The following CPEB1 variants were observed in gnomAD, a reference collection of about 807,000 sequenced individuals.
CPEB1 encodes cytoplasmic polyadenylation element binding protein 1.
A neutral mutation model predicts 65.8 loss-of-function variants in CPEB1; 7 were observed. That is an observed-to-expected ratio of 0.11 (90% CI 0.06 to 0.20). The LOEUF is 0.20. Among genes scored for constraint, CPEB1 ranks in the 10% least tolerant of loss-of-function variants. The probability of loss-of-function intolerance (pLI) is 1.00; values close to 1 mark genes in which losing one functional copy is unlikely to be tolerated. For synonymous variants in CPEB1, 262 were observed against 260.0 expected, an observed-to-expected ratio of 1.01 and a Z score of -0.08; for missense variants, 551 against 712.2, an observed-to-expected ratio of 0.77 and a Z score of 2.58.
intron 3 of CPEB1, among the ~76,000 whole-genome samples, chr15:82,572,550 C>A (rs1433002043): frequency 1.3e-5 from 2 of 152,110 alleles, no homozygotes; most frequent in Non-Finnish European, 2.9e-5. Context: ...ACAGATACAG[C>A]GGCTCAGCTC....
At chr15:82,576,700 T>C (rs2040686986) in intron 3 of CPEB1, among the ~76,000 whole-genome samples, 1 of 152,144 alleles carries the variant, frequency 6.6e-6, no homozygotes, top group Non-Finnish European at 1.5e-5. Flanking sequence ...AAAATGAAAG[T>C]CTGACTGAAC....
intron 3 of CPEB1, among the ~76,000 whole-genome samples, chr15:82,617,448 G>C (rs193199259): frequency 1.3e-5 from 2 of 152,230 alleles, no homozygotes; most frequent in East Asian, 3.9e-4. Context: ...GAAAATAAGG[G>C]AAGTCTGAGA....
chr15:82,613,350 T>C (rs981987707), intron 3 of CPEB1, among the ~76,000 whole-genome samples: 1 of 152,176 alleles, frequency 6.6e-6, no homozygotes. Flanking sequence ...TTTAATAACA[T>C]TCATGATTTT....
intron 1 of CPEB1, among the ~76,000 whole-genome samples, chr15:82,646,293 G>A (rs887645710): frequency 2.0e-5 from 3 of 152,182 alleles, no homozygotes; most frequent in African/African-American, 7.2e-5. Context: ...TTCCAGAATA[G>A]GAACCCCACC....
intron 2 of CPEB1, among the ~76,000 whole-genome samples, chr15:82,627,704 G>A (rs980466622): frequency 8.5e-5 from 13 of 152,138 alleles, no homozygotes; most frequent in African/African-American, 3.1e-4. Flanking sequence ...CTATAAAGCT[G>A]CTAACCTCTG....
intron 3 of CPEB1, among the ~76,000 whole-genome samples, chr15:82,576,867 A>G (rs2040704634): frequency 6.6e-6 from 1 of 152,152 alleles, no homozygotes; most frequent in South Asian, 2.1e-4. Flanking sequence ...TAATAAAAAT[A>G]CAAAAAATCA....
At chr15:82,564,447 G>A (rs574963499) in intron 4 of CPEB1, among the ~76,000 whole-genome samples, 9 of 150,764 alleles carry the variant, frequency 6.0e-5, no homozygotes, top group South Asian at 4.3e-4. Context: ...CACCACACCC[G>A]GCTAATTTTG....
At chr15:82,592,707 C>T (rs1258555325) in intron 3 of CPEB1, among the ~76,000 whole-genome samples, 2 of 152,134 alleles carry the variant, frequency 1.3e-5, no homozygotes, top group African/African-American at 2.4e-5. Flanking sequence ...ACAATTGGGC[C>T]GGGCGCGGTG....
intron 1 of CPEB1, among the ~76,000 whole-genome samples, chr15:82,646,625 A>G (rs1237502063): frequency 1.3e-5 from 2 of 151,998 alleles, no homozygotes; most frequent in East Asian, 3.9e-4. Flanking sequence ...GCGCCCACGA[A>G]AGCGCCCAAG....
At chr15:82,617,993 A>C (rs899182663) in intron 3 of CPEB1, among the ~76,000 whole-genome samples, 1 of 151,860 alleles carries the variant, frequency 6.6e-6, no homozygotes, top group Non-Finnish European at 1.5e-5. Flanking sequence ...TCGGCCTCCC[A>C]AAGTGCTGGG....
upstream of CPEB1, chr15:82,648,113 C>G (rs1453131199): frequency 2.5e-5 from 9 of 362,964 alleles, no homozygotes; most frequent in Admixed American, 2.8e-4. Context: ...GCAGGCCGAG[C>G]CGAGGAGGGC....
At chr15:82,646,647 C>T (rs901375404) in intron 1 of CPEB1, among the ~76,000 whole-genome samples, 7 of 152,218 alleles carry the variant, frequency 4.6e-5, no homozygotes, top group African/African-American at 1.7e-4. Context: ...GCCCAGGCGT[C>T]TGCCTGGCTT....
chr15:82,633,834 G>A (rs2046446995), intron 1 of CPEB1, among the ~76,000 whole-genome samples: 1 of 152,072 alleles, frequency 6.6e-6, no homozygotes, highest in Non-Finnish European at 1.5e-5. Flanking sequence ...CCTCCACAAA[G>A]GAAAATCCTC....
At chr15:82,573,866 G>C (rs534842204) in intron 3 of CPEB1, among the ~76,000 whole-genome samples, 89 of 152,232 alleles carry the variant, frequency 5.8e-4, no homozygotes, top group African/African-American at 2.1e-3. Context: ...TATAATCCCA[G>C]AACTTTGGGA....
intron 3 of CPEB1, among the ~76,000 whole-genome samples, chr15:82,574,385 CA>C (rs1189549084): frequency 2.0e-5 from 3 of 152,098 alleles, no homozygotes; most frequent in Non-Finnish European, 4.4e-5. Flanking sequence ...TTTAAAGATG[CA>C]ACAGTAGCCA....
intron 3 of CPEB1, among the ~76,000 whole-genome samples, chr15:82,591,027 TACTC>T (rs1208763140): frequency 2.0e-5 from 3 of 152,238 alleles, no homozygotes; most frequent in Non-Finnish European, 4.4e-5. Context: ...TTTTGGTACA[TACTC>T]AGCAATGGGA....
chr15:82,561,442 G>C (rs1204644579), intron 4 of CPEB1, among the ~76,000 whole-genome samples: 1 of 152,214 alleles, frequency 6.6e-6, no homozygotes, highest in Non-Finnish European at 1.5e-5. Context: ...AGAGAGCTCT[G>C]AGAGTTGTCA....
At chr15:82,588,830 A>C (rs1466133385) in intron 3 of CPEB1, among the ~76,000 whole-genome samples, 2 of 152,208 alleles carry the variant, frequency 1.3e-5, no homozygotes, top group Admixed American at 6.5e-5. Context: ...CCTGACAGGT[A>C]AACAATAGAA....
intron 3 of CPEB1, among the ~76,000 whole-genome samples, chr15:82,588,380 ATTT>A (rs2041968546): frequency 6.6e-6 from 1 of 152,184 alleles, no homozygotes; most frequent in Admixed American, 6.5e-5. Flanking sequence ...CCTTTCAAAG[ATTT>A]TTATGTATAC....
Sources: gnomAD v4.1 joint callset for allele counts (sites outside exome capture counted in the v4.1 genomes callset) on GRCh38, gnomAD v4.1.1 for gene constraint, MANE v1.5 for transcripts, NCBI Gene and HGNC (gene_info 2026-07-23, HGNC 2026-07-21) for gene names.